NDFIP1: variants seen among roughly 807,000 people sequenced by gnomAD.
NDFIP1 encodes the protein NEDD4 family-interacting protein 1.
A neutral mutation model predicts 28.8 loss-of-function variants in NDFIP1; 7 were observed. The ratio of observed to expected loss-of-function variants is 0.24; its 90% confidence interval spans 0.14 to 0.46. The LOEUF is 0.46. Among genes scored for constraint, NDFIP1 ranks in the 20% least tolerant of loss-of-function variants. The pLI, the probability that NDFIP1 is intolerant of heterozygous loss-of-function variation, is 0.99. For synonymous variants in NDFIP1, 92 were observed against 101.0 expected (o/e 0.91, Z 0.53); for missense variants, 194 against 269.1 (o/e 0.72, Z 1.95).
intron 1 of NDFIP1, among the ~76,000 whole-genome samples, chr5:142,130,945 A>T (rs1757221449): frequency 6.6e-6 from 1 of 151,856 alleles, no homozygotes; most frequent in South Asian, 2.1e-4. Flanking sequence ...TATCTATTTG[A>T]GTAATGAAAT....
chr5:142,114,993 A>G (rs1426234564), intron 1 of NDFIP1, among the ~76,000 whole-genome samples: 2 of 152,240 alleles, frequency 1.3e-5, no homozygotes, highest in South Asian at 4.1e-4. Flanking sequence ...GAACTGCTCT[A>G]GGGAATTTTG....
intron 3 of NDFIP1, 127 bp downstream of exon 3, chr5:142,132,469 G>T: frequency 2.5e-6 from 3 of 1,201,334 alleles, no homozygotes; most frequent in South Asian, 1.6e-5. Context: ...TTAAAAATCA[G>T]GTACATTTGC....
chr5:142,128,720 A>G (rs945333700), intron 1 of NDFIP1, among the ~76,000 whole-genome samples: 2 of 152,218 alleles, frequency 1.3e-5, no homozygotes, highest in African/African-American at 4.8e-5. Context: ...CATAGTCATA[A>G]TGGTGTTTTA....
intron 1 of NDFIP1, among the ~76,000 whole-genome samples, chr5:142,118,672 T>C (rs1366403579): frequency 6.6e-6 from 1 of 152,226 alleles, no homozygotes; most frequent in Non-Finnish European, 1.5e-5. Context: ...TGGGGAGTTA[T>C]GTAACACCTC....
At chr5:142,125,560 G>C (rs1757162381) in intron 1 of NDFIP1, among the ~76,000 whole-genome samples, 1 of 151,938 alleles carries the variant, frequency 6.6e-6, no homozygotes, top group Non-Finnish European at 1.5e-5. Context: ...GGATCTTGCT[G>C]TGTTGCCCAG....
In NDFIP1 at chr5:142,132,227, A is replaced by G; in HGVS notation, c.167A>G (p.Lys56Arg). 1 of 1,611,094 alleles carries G rather than the reference A, an allele frequency of 6.2e-7. No homozygotes were observed. The highest frequency in any genetic ancestry group is 8.5e-7 in the Non-Finnish European group (1 of 1,179,368). Residue 56 changes from lysine (K) to arginine (R), a missense_variant, in exon 3 of 8, where the codon AAG becomes AGG. Lys to Arg is a conservative substitution (Grantham distance 26). Transcript: ENST00000253814. ...AATTCTGCAGCATATTTTGACTACA[A>G]GGATGAGTCTGGGTTTCCAAAGCCC... is the stretch of plus-strand genomic sequence containing the variant. The part of the protein sequence containing the change: ...SAESAAYFDY[K>R]DESGFPKPPS...
intron 6 of NDFIP1, 127 bp downstream of exon 6, chr5:142,140,756 T>A: frequency 1.4e-6 from 1 of 697,172 alleles, no homozygotes; most frequent in Non-Finnish European, 2.2e-6. Flanking sequence ...AATAAACATT[T>A]TTAAAATGTT....
At chr5:142,137,443 A>G (rs1282792532) in intron 4 of NDFIP1, among the ~76,000 whole-genome samples, 1 of 152,194 alleles carries the variant, frequency 6.6e-6, no homozygotes, top group African/African-American at 2.4e-5. Flanking sequence ...TTGGCCTCCC[A>G]AAGTGCTAGG....
intron 1 of NDFIP1, among the ~76,000 whole-genome samples, chr5:142,122,653 A>T (rs1757132429): frequency 6.6e-6 from 1 of 152,146 alleles, no homozygotes; most frequent in Non-Finnish European, 1.5e-5. Flanking sequence ...TCTCAACAAC[A>T]TTTGGTATTT....
intron 7 of NDFIP1, among the ~76,000 whole-genome samples, chr5:142,146,455 G>C (rs1299406267): frequency 6.6e-6 from 1 of 152,146 alleles, no homozygotes; most frequent in Non-Finnish European, 1.5e-5. Context: ...GGAATTTATA[G>C]TTAGCCTTAG....
At chr5:142,110,648 A>G (rs1246459445) in intron 1 of NDFIP1, among the ~76,000 whole-genome samples, 1 of 152,186 alleles carries the variant, frequency 6.6e-6, no homozygotes, top group African/African-American at 2.4e-5. Flanking sequence ...ATTGTAAAAG[A>G]TGAAAGCCCA....
At chr5:142,143,395 A>G (rs1371532846) in intron 6 of NDFIP1, 1 of 152,288 alleles carries the variant, frequency 6.6e-6, no homozygotes, top group Non-Finnish European at 1.5e-5. Flanking sequence ...CCCCTGCTCA[A>G]TAGTCACTTG....
chr5:142,108,854 C>T lies in NDFIP1; in HGVS notation c.-121C>T. ...AGAGCGTCTCGCCCGGGAGCGGCGG[C>T]GGCCATCGAGACCCACCCAAGGCGC... is the stretch of plus-strand genomic sequence containing the variant. On this transcript the variant is annotated 5_prime_UTR_variant, in exon 1 of 8. Coordinates refer to ENST00000253814, the MANE Select transcript of NDFIP1 (RefSeq NM_030571.4). 6.4e-6 allele frequency: 5 copies of T among 784,198 alleles called. No homozygotes were observed. Among genetic ancestry groups the T allele is most frequent in the East Asian group, 3.5e-5 (1 of 28,870 alleles). 48.6% of individuals were successfully genotyped at this position (784,198 alleles called of 1,614,324 possible).
chr5:142,136,902 C>A (rs1337995661), intron 4 of NDFIP1, among the ~76,000 whole-genome samples: 2 of 119,302 alleles, frequency 1.7e-5, no homozygotes, highest in African/African-American at 7.0e-5. Context: ...CCCATCTCTA[C>A]TAAAAACAAA....
In NDFIP1 at chr5:142,152,575, T is replaced by C. The variant is rs1200698773; in HGVS notation, c.*847T>C. 2.0e-5 allele frequency: 3 copies of C among 146,946 alleles called. No homozygotes were observed. Among genetic ancestry groups the C allele is most frequent in the African/African-American group, 7.5e-5 (3 of 39,816 alleles). The allele number at this position is 146,946 out of a possible 1,614,324, so 9.1% of individuals were successfully genotyped here. On this transcript the variant is annotated 3_prime_UTR_variant, in exon 8 of 8. Coordinates refer to ENST00000253814, the MANE Select transcript of NDFIP1 (RefSeq NM_030571.4). ...GGGAGTAAGGAGAGGATTAGGTACTTAGGAGCAAAGAAAGAAGTAGCTTGG... is the reference window on the plus strand; with the variant it reads ...GGGAGTAAGGAGAGGATTAGGTACTCAGGAGCAAAGAAAGAAGTAGCTTGG...
At chr5:142,148,860 A>G (rs34798182) in intron 7 of NDFIP1, among the ~76,000 whole-genome samples, 12 of 151,390 alleles carry the variant, frequency 7.9e-5, no homozygotes, top group Admixed American at 2.0e-4. Flanking sequence ...AAGTGTTTAT[A>G]CTTTTCTTAT....
chr5:142,134,232 T>G (rs1456184783), intron 3 of NDFIP1, among the ~76,000 whole-genome samples: 1 of 152,168 alleles, frequency 6.6e-6, no homozygotes, highest in Non-Finnish European at 1.5e-5. Flanking sequence ...GGCAGCAATT[T>G]CTAGGATGCA....
intron 1 of NDFIP1, among the ~76,000 whole-genome samples, chr5:142,117,532 C>T (rs904084389): frequency 4.6e-5 from 7 of 152,200 alleles, no homozygotes; most frequent in South Asian, 4.2e-4. Flanking sequence ...TGAGCCACTG[C>T]GCCTGGCCGA....
intron 1 of NDFIP1, among the ~76,000 whole-genome samples, chr5:142,110,524 T>C (rs980941268): frequency 6.6e-6 from 1 of 152,154 alleles, no homozygotes; most frequent in African/African-American, 2.4e-5. Flanking sequence ...ACTGCTAGAA[T>C]ATAAAAAATT....
Sources: gnomAD v4.1 joint callset for allele counts (sites outside exome capture counted in the v4.1 genomes callset) on GRCh38, gnomAD v4.1.1 for gene constraint, MANE v1.5 for transcripts, NCBI Gene and HGNC (gene_info 2026-07-23, HGNC 2026-07-21) for gene names.